The following THRB variants were observed in gnomAD, a reference collection of about 807,000 sequenced individuals.
THRB encodes the protein thyroid hormone receptor beta.
THRB carries 12 observed loss-of-function variants against 47.8 expected under a neutral mutation model. That is an observed-to-expected ratio of 0.25 (90% CI 0.16 to 0.41). THRB has a LOEUF of 0.41. THRB is among the 10% of genes least tolerant of loss of function. The probability of loss-of-function intolerance (pLI) is 1.00; values close to 1 mark genes in which losing one functional copy is unlikely to be tolerated. For synonymous variants in THRB, 218 were observed against 212.2 expected (o/e 1.03, Z -0.24); for missense variants, 348 against 589.2 (o/e 0.59, Z 4.24).
chr3:24,205,635 A>G (rs62253682), intron 4 of THRB, among the ~76,000 whole-genome samples: 1 of 152,206 alleles, frequency 6.6e-6, no homozygotes, highest in Admixed American at 6.5e-5. Context: ...GACAGGATCA[A>G]ATTCACACAT....
intron 1 of THRB, among the ~76,000 whole-genome samples, chr3:24,442,333 A>C (rs2071609274): frequency 6.6e-6 from 1 of 152,226 alleles, no homozygotes; most frequent in African/African-American, 2.4e-5. Context: ...AGAAAATTCA[A>C]GTAACTTGTT....
chr3:24,248,000 C>T (rs1457226264), intron 3 of THRB, among the ~76,000 whole-genome samples: 2 of 151,634 alleles, frequency 1.3e-5, no homozygotes, highest in Non-Finnish European at 2.9e-5. Flanking sequence ...TTTCACATGG[C>T]CAACCCTGTA....
chr3:24,277,495 T>G (rs976620350), intron 3 of THRB, among the ~76,000 whole-genome samples: 2 of 152,134 alleles, frequency 1.3e-5, no homozygotes, highest in African/African-American at 4.8e-5. Context: ...ACCCAAGAAT[T>G]TGCATCTCTA....
At chr3:24,214,611 G>C (rs564018000) in intron 4 of THRB, among the ~76,000 whole-genome samples, 2 of 152,190 alleles carry the variant, frequency 1.3e-5, no homozygotes, top group Non-Finnish European at 2.9e-5. Context: ...CTGAGATGCC[G>C]ACATGGTGTT....
chr3:24,435,355 A>T (rs1039185586), intron 1 of THRB, among the ~76,000 whole-genome samples: 1 of 152,200 alleles, frequency 6.6e-6, no homozygotes, highest in Non-Finnish European at 1.5e-5. Flanking sequence ...GCAGAGGGAC[A>T]CAGGAGATTA....
chr3:24,478,679 A>G (rs1695855492), intron 1 of THRB, among the ~76,000 whole-genome samples: 1 of 152,162 alleles, frequency 6.6e-6, no homozygotes, highest in South Asian at 2.1e-4. Flanking sequence ...GGAGTAGAAT[A>G]TTGGCCCACG....
At chr3:24,412,372 C>A (rs2068374880) in intron 1 of THRB, among the ~76,000 whole-genome samples, 2 of 151,814 alleles carry the variant, frequency 1.3e-5, no homozygotes, top group Non-Finnish European at 2.9e-5. Context: ...ATATGAGAAG[C>A]TTTAAAAAAT....
chr3:24,178,355 C>T (rs889988804), intron 5 of THRB, among the ~76,000 whole-genome samples: 3 of 152,024 alleles, frequency 2.0e-5, no homozygotes, highest in Admixed American at 6.6e-5. Flanking sequence ...AGGCTGGGTG[C>T]GGTGGCTCAT....
chr3:24,471,745 A>T (rs1306758744), intron 1 of THRB, among the ~76,000 whole-genome samples: 1 of 152,190 alleles, frequency 6.6e-6, no homozygotes, highest in Non-Finnish European at 1.5e-5. Flanking sequence ...CATCTCATGC[A>T]TATGGTTGTT....
chr3:24,383,537 C>T (rs751373213), intron 1 of THRB, among the ~76,000 whole-genome samples: 2 of 152,018 alleles, frequency 1.3e-5, no homozygotes, highest in Non-Finnish European at 2.9e-5. Context: ...GTTGATGACA[C>T]GAAATCAAGT....
intron 1 of THRB, among the ~76,000 whole-genome samples, chr3:24,350,991 A>G (rs1454427465): frequency 2.0e-5 from 3 of 152,168 alleles, no homozygotes; most frequent in Non-Finnish European, 4.4e-5. Flanking sequence ...ATGAAATGGT[A>G]TAAAAGAGGA....
intron 3 of THRB, among the ~76,000 whole-genome samples, chr3:24,275,691 C>T (rs826239): frequency 0.64 from 96,721 of 151,984 alleles, 31,480 homozygotes; most frequent in Middle Eastern, 0.83. Flanking sequence ...TGGTTTTTGC[C>T]GGCTTCTTTT....
chr3:24,203,186 G>A (rs1192063129), intron 4 of THRB, among the ~76,000 whole-genome samples: 2 of 152,222 alleles, frequency 1.3e-5, no homozygotes, highest in South Asian at 2.1e-4. Flanking sequence ...GCTGCAGTGG[G>A]TGGCTCTCTT....
intron 5 of THRB, among the ~76,000 whole-genome samples, chr3:24,182,392 A>G (rs2042022395): frequency 6.6e-6 from 1 of 152,136 alleles, no homozygotes; most frequent in African/African-American, 2.4e-5. Context: ...CTTCAGTGCT[A>G]GGTACATTAG....
chr3:24,144,202 A>C (rs943229661), intron 7 of THRB: 3 of 178,238 alleles, frequency 1.7e-5, no homozygotes, highest in African/African-American at 7.1e-5. Context: ...GAGGCTCGTG[A>C]TCCCTTTTTT....
At chr3:24,488,233 T>G (rs1045582464) in intron 1 of THRB, among the ~76,000 whole-genome samples, 18 of 152,190 alleles carry the variant, frequency 1.2e-4, no homozygotes, top group East Asian at 9.6e-4. Flanking sequence ...CCTAAATTCT[T>G]GATCACAGAA....
intron 1 of THRB, among the ~76,000 whole-genome samples, chr3:24,487,690 C>T (rs1323391509): frequency 6.6e-6 from 1 of 152,166 alleles, no homozygotes; most frequent in African/African-American, 2.4e-5. Flanking sequence ...ATGGGAATCA[C>T]AGCAGAAGCC....
intron 2 of THRB, among the ~76,000 whole-genome samples, chr3:24,330,077 G>A (rs1272307419): frequency 6.6e-6 from 1 of 151,996 alleles, no homozygotes; most frequent in Non-Finnish European, 1.5e-5. Context: ...AGGCCGAGGC[G>A]GGTGGATCAT....
intron 1 of THRB, among the ~76,000 whole-genome samples, chr3:24,451,980 C>T (rs74681848): frequency 0.071 from 10,774 of 152,140 alleles, 543 homozygotes; most frequent in Middle Eastern, 0.11. Context: ...CTCAAGTATG[C>T]CCAGTATCAC....
Sources: gnomAD v4.1 joint callset for allele counts (sites outside exome capture counted in the v4.1 genomes callset) on GRCh38, gnomAD v4.1.1 for gene constraint, MANE v1.5 for transcripts, NCBI Gene and HGNC (gene_info 2026-07-23, HGNC 2026-07-21) for gene names.